The following PLD1 variants were observed in gnomAD, a reference collection of about 807,000 sequenced individuals.
PLD1 encodes choline phosphatase 1.
Under a neutral mutation model 137.1 loss-of-function variants are expected in PLD1, and 112 were observed. The ratio of observed to expected loss-of-function variants is 0.82; its 90% CI spans 0.70 to 0.96. PLD1 has a LOEUF of 0.96. Among genes scored for constraint, PLD1 ranks in the 40% least tolerant of loss-of-function variants. The pLI is 0.00. For synonymous variants in PLD1, 431 were observed against 454.7 expected (o/e 0.95, Z 0.66); for missense variants, 1,321 against 1,342.0 (o/e 0.98, Z 0.24).
intron 20 of PLD1, among the ~76,000 whole-genome samples, 186 bp from the exon 21 acceptor site, chr3:171,659,487 T>A (rs1354836768): frequency 6.6e-6 from 1 of 152,200 alleles, no homozygotes; most frequent in African/African-American, 2.4e-5. Context: ...TCTCATCTGA[T>A]TCCAGGTCAT....
At chr3:171,622,182 T>C (rs569256634) in intron 23 of PLD1, among the ~76,000 whole-genome samples, 159 of 152,296 alleles carry the variant, frequency 1.0e-3, no homozygotes, top group African/African-American at 3.6e-3. Flanking sequence ...CTAAAGTAAA[T>C]ATTTTTTTAC....
chr3:171,790,470 T>C (rs189871839), intron 1 of PLD1, among the ~76,000 whole-genome samples: 246 of 152,334 alleles, frequency 1.6e-3, no homozygotes, highest in Admixed American at 3.2e-3. Context: ...ATCTCACTCT[T>C]GTACTAGCTC....
rs1731936292 is a variant in PLD1, at chr3:171,603,053, T to A, written c.*25A>T. 1.9e-6 allele frequency: 3 copies of A among 1,547,168 alleles called. No individual in the cohort carries two copies. The highest frequency in any genetic ancestry group is 2.7e-6 in the Non-Finnish European group (3 of 1,121,988). On this transcript the variant is annotated 3_prime_UTR_variant, in exon 27 of 27. Transcript: ENST00000351298. Reference sequence around the variant, plus strand: ...TGCAGTGTGGTCTCCAGGGTGGAAGTCTTTGAGCTGCCAATGAATATCTCT... The same window carrying A: ...TGCAGTGTGGTCTCCAGGGTGGAAGACTTTGAGCTGCCAATGAATATCTCT...
At position 171,674,537 on chromosome 3, in the gene PLD1, C is replaced by T; in HGVS notation, c.2192G>A (p.Arg731Lys). The T allele has an allele frequency of 6.2e-7, 1 of 1,610,446 alleles. No individual in the cohort carries two copies. The highest frequency in any genetic ancestry group is 8.5e-7 in the Non-Finnish European group (1 of 1,176,958). Residue 731 changes from arginine to lysine, a missense_variant, in exon 19 of 27, where the codon AGA becomes AAA. Physicochemically the swap from Arg to Lys is conservative, Grantham distance 26. Coordinates refer to ENST00000351298, the MANE Select transcript of PLD1 (RefSeq NM_002662.5). ...PKSQTTAHEL[R>K]YQVPGSVHAN... Reference sequence around the variant, plus strand: ...ATGGACAGACCCAGGCACTTGATATCTCAACTCATGGGCTGTTGTTTGAGA... The same window carrying T: ...ATGGACAGACCCAGGCACTTGATATTTCAACTCATGGGCTGTTGTTTGAGA...
At chr3:171,723,915 A>C (rs1718319558) in intron 8 of PLD1, among the ~76,000 whole-genome samples, 2 of 151,846 alleles carry the variant, frequency 1.3e-5, no homozygotes, top group Non-Finnish European at 2.9e-5. Flanking sequence ...TTATCTCTTC[A>C]CTTTGTTGAC....
chr3:171,801,177 T>C (rs145485327), intron 1 of PLD1, among the ~76,000 whole-genome samples: 71 of 152,344 alleles, frequency 4.7e-4, no homozygotes, highest in African/African-American at 1.7e-3. Flanking sequence ...AACCACATTT[T>C]AGACTCACTA....
rs372247778 is a variant in PLD1, at chr3:171,622,122, G to A, written c.2594-1602C>T. Among the ~76,000 whole-genome samples, 638 of 152,298 alleles carry A rather than the reference G, an allele frequency of 4.2e-3. 2 individuals are homozygous for A. Among genetic ancestry groups the A allele is most frequent in the Middle Eastern group, 0.017 (5 of 294 alleles). On this transcript the variant is annotated intron_variant, in intron 23 of 26. Transcript: ENST00000351298. ...CTGGATCATGATCTAGAATTTATAA[G>A]TTTAAGATACAAAGCAGCTTTTCAA...
At chr3:171,678,847 G>A (rs981680052) in intron 16 of PLD1, among the ~76,000 whole-genome samples, 5 of 150,866 alleles carry the variant, frequency 3.3e-5, no homozygotes, top group Non-Finnish European at 4.4e-5. Context: ...TGCAAATCAC[G>A]TGTTTCACTG....
At chr3:171,687,623 G>C in intron 14 of PLD1, 39 bp from the exon 15 acceptor site, 2 of 1,325,752 alleles carry the variant, frequency 1.5e-6, no homozygotes, top group Non-Finnish European at 2.2e-6. Context: ...CACTGCATAA[G>C]ACATGCTGCA....
chr3:171,674,452 T>C, intron 19 of PLD1, 48 bp downstream of exon 19: 2 of 987,424 alleles, frequency 2.0e-6, no homozygotes, highest in Non-Finnish European at 3.1e-6. Flanking sequence ...ATAACAGTAA[T>C]TTTACTCAGT....
chr3:171,645,078 T>C (rs1736092638), intron 21 of PLD1, 55 bp from the exon 22 acceptor site: 1 of 1,102,588 alleles, frequency 9.1e-7, no homozygotes, highest in African/African-American at 1.5e-5. Context: ...TAGTATCAAT[T>C]TTAGATGACA....
chr3:171,669,631 C>T (rs1214976588), intron 19 of PLD1, among the ~76,000 whole-genome samples: 2 of 152,230 alleles, frequency 1.3e-5, no homozygotes, highest in African/African-American at 4.8e-5. Context: ...GAACTCCTGA[C>T]CTCAAGTAAT....
In PLD1 at chr3:171,729,161, C is replaced by T. The variant is rs189456837; in HGVS notation, c.607-3085G>A. On this transcript the variant is annotated intron_variant, in intron 6 of 26. Coordinates refer to ENST00000351298, the MANE Select transcript of PLD1 (RefSeq NM_002662.5). Reference sequence around the variant, plus strand: ...AGATCAATTTAGCCTAACGGCATTTCGCAGGGCTTATTCCATTGATCTTTT... The same window carrying T: ...AGATCAATTTAGCCTAACGGCATTTTGCAGGGCTTATTCCATTGATCTTTT... 7.9e-5 allele frequency among the ~76,000 whole-genome samples: 12 copies of T among 152,292 alleles called. No homozygotes were observed. The East Asian group carries it at 2.1e-3, about 27-fold the overall frequency.
intron 21 of PLD1, among the ~76,000 whole-genome samples, chr3:171,658,867 A>C (rs1468838111): frequency 2.6e-5 from 4 of 152,254 alleles, no homozygotes; most frequent in African/African-American, 4.8e-5. Flanking sequence ...TACGGTAACA[A>C]GAATTTAAAT....
At chr3:171,625,141 C>T (rs2108309483) in intron 23 of PLD1, among the ~76,000 whole-genome samples, 1 of 152,294 alleles carries the variant, frequency 6.6e-6, no homozygotes, top group Non-Finnish European at 1.5e-5. Context: ...AATCGGGTCA[C>T]TCCCACCCTA....
At chr3:171,732,729 A>G (rs1315183545) in intron 6 of PLD1, among the ~76,000 whole-genome samples, 2 of 152,212 alleles carry the variant, frequency 1.3e-5, no homozygotes, top group Non-Finnish European at 2.9e-5. Context: ...CATACATACG[A>G]TAAACCATGC....
chr3:171,709,522 A>G, intron 10 of PLD1, 38 bp downstream of exon 10: 1 of 1,592,318 alleles, frequency 6.3e-7, no homozygotes, highest in East Asian at 2.2e-5. Flanking sequence ...ATTAGATGCT[A>G]TGACTGCCTT....
intron 9 of PLD1, among the ~76,000 whole-genome samples, chr3:171,712,760 G>T (rs192785972): frequency 3.7e-4 from 56 of 152,330 alleles, no homozygotes; most frequent in Non-Finnish European, 6.0e-4. Context: ...GGCCAATAAA[G>T]TAAGGGACCA....
At chr3:171,676,864 A>T in intron 17 of PLD1, 31 bp from the exon 18 acceptor site, 1 of 1,506,076 alleles carries the variant, frequency 6.6e-7, no homozygotes, top group Non-Finnish European at 9.2e-7. Flanking sequence ...AGGATCAGTC[A>T]TTAACTTCAG....
Sources: gnomAD v4.1 joint callset for allele counts (sites outside exome capture counted in the v4.1 genomes callset) on GRCh38, gnomAD v4.1.1 for gene constraint, MANE v1.5 for transcripts, NCBI Gene and HGNC (gene_info 2026-07-23, HGNC 2026-07-21) for gene names.